Variants in GRIK1 observed in about 807,000 individuals in gnomAD.
The protein encoded by GRIK1 is glutamate receptor ionotropic, kainate 1.
Under a neutral mutation model 105.7 loss-of-function variants are expected in GRIK1, and 69 were observed. That is an observed-to-expected ratio of 0.65 (90% CI 0.54 to 0.80). The LOEUF is 0.80. Ranked by LOEUF, GRIK1 falls within the 30% of genes least tolerant of loss-of-function variation. The probability of loss-of-function intolerance (pLI) is 0.00; values close to 1 mark genes in which losing one functional copy is unlikely to be tolerated. For missense variants in GRIK1, 1,109 were observed against 1,167.3 expected (o/e 0.95, Z 0.73); for synonymous variants, 438 against 431.3 (o/e 1.02, Z -0.19).
intron 14 of GRIK1, among the ~76,000 whole-genome samples, chr21:29,570,984 A>G (rs949367960): frequency 6.6e-6 from 1 of 152,174 alleles, no homozygotes; most frequent in Non-Finnish European, 1.5e-5. Flanking sequence ...GTTGCTCCAT[A>G]TATGAATGAC....
chr21:29,594,454 CACAGTG>C (rs147870349), intron 9 of GRIK1, among the ~76,000 whole-genome samples: 2,896 of 152,228 alleles, frequency 0.019, 117 homozygotes, highest in African/African-American at 0.066. Flanking sequence ...TTTCAAGCTT[CACAGTG>C]AAAGCAGACA....
intron 14 of GRIK1, among the ~76,000 whole-genome samples, chr21:29,574,989 C>G (rs113573052): frequency 6.6e-6 from 1 of 151,852 alleles, no homozygotes; most frequent in Non-Finnish European, 1.5e-5. Context: ...CCACCGCGCC[C>G]GGCCTAAATA....
chr21:29,662,001 A>G (rs1272947667), intron 4 of GRIK1, among the ~76,000 whole-genome samples: 2 of 152,210 alleles, frequency 1.3e-5, no homozygotes, highest in East Asian at 1.9e-4. Flanking sequence ...CCTACCTCCA[A>G]GTTAAACTAA....
At chr21:29,899,401 G>C (rs555392229) in intron 1 of GRIK1, among the ~76,000 whole-genome samples, 1 of 152,162 alleles carries the variant, frequency 6.6e-6, no homozygotes, top group Non-Finnish European at 1.5e-5. Flanking sequence ...TGTCTGACTG[G>C]CCTAATGGAT....
rs190289127 is a variant in GRIK1 at position 29,782,428 on chromosome 21, T to C, written c.119-88365A>G. On this transcript the variant is annotated intron_variant, in intron 1 of 17. Transcript: ENST00000327783. ...TGTCAGGAATGGAATTGCTGAGTCA[T>C]GGAGAAAGTTTATATTTAACTAAGT... Among the ~76,000 whole-genome samples, 736 of 152,290 alleles carry C rather than the reference T, an allele frequency of 4.8e-3. 5 individuals carry two copies. The highest frequency in any genetic ancestry group is 0.016 in the Admixed American group (238 of 15,300).
intron 1 of GRIK1, among the ~76,000 whole-genome samples, chr21:29,880,521 G>A (rs1404866731): frequency 6.6e-6 from 1 of 152,118 alleles, no homozygotes; most frequent in Non-Finnish European, 1.5e-5. Context: ...TAAATGGAAG[G>A]TAATGTTCTG....
In GRIK1 at chr21:29,537,355, G is replaced by C. The variant is rs373593416; in HGVS notation, c.2725C>G (p.Leu909Val). ...TTCTGATTCTTCAGTGAGATTCCCA[G>C]TTCTTCCATGATAGCGTTGAAAGAG... ...CLSFNAIMEE[L>V]GISLKNQKKI... The change falls in exon 18 of 18, where the codon CTG becomes GTG. Residue 909 changes from leucine (L) to valine (V), a missense_variant. Leu to Val is a conservative substitution (Grantham distance 32). Coordinates refer to ENST00000327783, the MANE Select transcript of GRIK1 (RefSeq NM_001330994.2). The C allele has an allele frequency of 6.2e-7, 1 of 1,611,008 alleles. No individual in the cohort carries two copies. The highest frequency in any genetic ancestry group is 1.3e-5 in the African/African-American group (1 of 74,630).
chr21:29,661,721 G>A (rs949101261), intron 4 of GRIK1, among the ~76,000 whole-genome samples: 4 of 152,158 alleles, frequency 2.6e-5, no homozygotes, highest in African/African-American at 9.7e-5. Flanking sequence ...TCATCTTTCT[G>A]TGATTATGGC....
At chr21:29,766,929 T>G (rs541075135) in intron 1 of GRIK1, among the ~76,000 whole-genome samples, 102 of 152,368 alleles carry the variant, frequency 6.7e-4, no homozygotes, top group African/African-American at 2.2e-3. Flanking sequence ...GGCTCTGTTA[T>G]GGGATTGTTT....
intron 1 of GRIK1, among the ~76,000 whole-genome samples, chr21:29,768,429 T>C (rs564777023): frequency 6.6e-6 from 1 of 152,106 alleles, no homozygotes; most frequent in African/African-American, 2.4e-5. Flanking sequence ...AGAAAGACGA[T>C]ACAACGATGC....
chr21:29,643,678 G>T (rs1347494285), intron 6 of GRIK1, among the ~76,000 whole-genome samples: 1 of 152,142 alleles, frequency 6.6e-6, no homozygotes, highest in Non-Finnish European at 1.5e-5. Context: ...CCTCTCACTT[G>T]CACAATTTTA....
chr21:29,554,575 T>C (rs1393056121), intron 16 of GRIK1, among the ~76,000 whole-genome samples: 2 of 152,236 alleles, frequency 1.3e-5, no homozygotes, highest in Non-Finnish European at 2.9e-5. Context: ...TTACAAATCT[T>C]ACTTTGATAG....
chr21:29,594,930 G>A lies in GRIK1; in HGVS notation c.1251+1596C>T, dbSNP rs115397749. Among the ~76,000 whole-genome samples the A allele has an allele frequency of 4.8e-3, 735 of 152,264 alleles. 3 individuals carry two copies. The highest frequency in any genetic ancestry group is 0.017 in the African/African-American group (706 of 41,560). ...ACTATTCTAAAATAAGTCAGAGTAC[G>A]AGGAAAGCTTTTGGGATTTCAATAT... On this transcript the variant is annotated intron_variant, in intron 9 of 17. Coordinates refer to ENST00000327783, the MANE Select transcript of GRIK1 (RefSeq NM_001330994.2).
At chr21:29,584,865 A>C (rs942453035) in intron 12 of GRIK1, among the ~76,000 whole-genome samples, 1 of 152,222 alleles carries the variant, frequency 6.6e-6, no homozygotes, top group South Asian at 2.1e-4. Flanking sequence ...GACTTGGTAC[A>C]TCTACTCAAC....
At chr21:29,842,185 A>C (rs1322166701) in intron 1 of GRIK1, among the ~76,000 whole-genome samples, 1 of 152,190 alleles carries the variant, frequency 6.6e-6, no homozygotes, top group Non-Finnish European at 1.5e-5. Context: ...TTGCTTTTTA[A>C]AGTGAATATT....
intron 1 of GRIK1, among the ~76,000 whole-genome samples, chr21:29,916,711 C>T (rs2071014407): frequency 6.6e-6 from 1 of 151,948 alleles, no homozygotes; most frequent in Non-Finnish European, 1.5e-5. Flanking sequence ...AGAACTCTGT[C>T]TCCACTTCAG....
Position 29,808,691 on chromosome 21 carries a change from T to C in GRIK1, c.119-114628A>G, listed in dbSNP as rs536664805. Among the ~76,000 whole-genome samples, 4 of 152,330 alleles carry C rather than the reference T, an allele frequency of 2.6e-5. No homozygotes were observed. In the South Asian group the frequency reaches 8.3e-4, roughly 32 times the overall value. Reference sequence around the variant, plus strand: ...AGAAGCACTAAAGGGAATTGTGTGCTTGTAATACATACCACTTATGCATAA... The same window carrying C: ...AGAAGCACTAAAGGGAATTGTGTGCCTGTAATACATACCACTTATGCATAA... On this transcript the variant is annotated intron_variant, in intron 1 of 17. Coordinates refer to ENST00000327783, the MANE Select transcript of GRIK1 (RefSeq NM_001330994.2).
intron 1 of GRIK1, among the ~76,000 whole-genome samples, chr21:29,866,144 A>G (rs1382883338): frequency 3.9e-5 from 6 of 152,020 alleles, no homozygotes; most frequent in East Asian, 3.9e-4. Flanking sequence ...ACTTTTCACT[A>G]TAACCTCAAC....
intron 1 of GRIK1, among the ~76,000 whole-genome samples, chr21:29,732,622 G>A (rs2064663999): frequency 6.6e-6 from 1 of 152,034 alleles, no homozygotes; most frequent in East Asian, 1.9e-4. Context: ...ATATGCCATT[G>A]ACTTTACCCC....
Sources: gnomAD v4.1 joint callset for allele counts (sites outside exome capture counted in the v4.1 genomes callset) on GRCh38, gnomAD v4.1.1 for gene constraint, MANE v1.5 for transcripts, NCBI Gene and HGNC (gene_info 2026-07-23, HGNC 2026-07-21) for gene names.